The following GKAP1 variants were observed in gnomAD, a reference collection of about 807,000 sequenced individuals.
GKAP1 encodes G kinase-anchoring protein 1.
GKAP1 carries 31 observed loss-of-function variants against 56.7 expected under a neutral mutation model. The ratio of observed to expected loss-of-function variants is 0.55; its 90% CI spans 0.41 to 0.74. The LOEUF is 0.74. Among genes scored for constraint, GKAP1 ranks in the 30% least tolerant of loss-of-function variants. The pLI is 0.00. For missense variants in GKAP1, 364 were observed against 402.3 expected (o/e 0.90, Z 0.82); for synonymous variants, 151 against 138.6 (o/e 1.09, Z -0.63).
chr9:83,756,333 T>C (rs1001919157), intron 8 of GKAP1, among the ~76,000 whole-genome samples: 3 of 151,214 alleles, frequency 2.0e-5, no homozygotes, highest in Admixed American at 1.3e-4. Context: ...TAGCTGGGTG[T>C]GGTGGCACAT....
Position 83,746,807 on chromosome 9 carries a change from G to A in GKAP1, c.904+1502C>T, listed in dbSNP as rs1284709244. On this transcript the variant is annotated intron_variant, in intron 10 of 12. Coordinates refer to ENST00000376371, the MANE Select transcript of GKAP1 (RefSeq NM_025211.4). The stretch of plus-strand genomic sequence containing the variant: ...TAGTTGTTACACTGTTATTGTTTAG[G>A]GAGTAATGACAAGAAAAAAGTCTGC... Among the ~76,000 whole-genome samples the A allele has an allele frequency of 3.9e-5, 6 of 152,252 alleles. No homozygotes were observed. In the East Asian group the frequency reaches 1.2e-3, roughly 29 times the overall value.
chr9:83,750,826 CCTCT>C (rs774870120), intron 9 of GKAP1, among the ~76,000 whole-genome samples: 10 of 151,844 alleles, frequency 6.6e-5, no homozygotes, highest in South Asian at 2.1e-4. Flanking sequence ...TTTTTAATGC[CCTCT>C]CTATTTTATT....
chr9:83,812,226 CACAT>C (rs1431288715), intron 2 of GKAP1, among the ~76,000 whole-genome samples: 1 of 147,272 alleles, frequency 6.8e-6, no homozygotes, highest in African/African-American at 2.5e-5. Context: ...CATACACACA[CACAT>C]GTATACATAT....
intron 8 of GKAP1, among the ~76,000 whole-genome samples, chr9:83,764,286 G>C (rs1182969939): frequency 6.6e-6 from 1 of 152,048 alleles, no homozygotes; most frequent in Non-Finnish European, 1.5e-5. Context: ...TCCGGTTAGT[G>C]AGTGAGTTCT....
intron 6 of GKAP1, among the ~76,000 whole-genome samples, chr9:83,782,940 G>C (rs983599993): frequency 6.8e-6 from 1 of 146,230 alleles, no homozygotes; most frequent in Non-Finnish European, 1.6e-5. Context: ...AAAGTGCTAG[G>C]ATTACAGGCG....
chr9:83,739,821 C>A, intron 12 of GKAP1, 77 bp from the exon 13 acceptor site: 1 of 1,164,512 alleles, frequency 8.6e-7, no homozygotes, highest in Non-Finnish European at 1.2e-6. Context: ...AAAATATAGA[C>A]CAAAGGCATC....
rs749874424 is a variant in GKAP1 at position 83,788,589 on chromosome 9, G to A, written c.438+12C>T. 7.0e-7 allele frequency: 1 copy of A among 1,418,728 alleles called. No individual in the cohort carries two copies. The highest frequency in any genetic ancestry group is 1.2e-5 in the South Asian group (1 of 82,272). The allele number at this position is 1,418,728 out of a possible 1,614,324, so 87.9% of individuals were successfully genotyped here. ...ACTTCTAAAATATCTAAATCAGTAA[G>A]TATGTAAATACCTTTTTGTGCTCTT... is the stretch of plus-strand genomic sequence containing the variant. On this transcript the variant is annotated intron_variant, in intron 5 of 12. Transcript: ENST00000376371.
chr9:83,760,942 ATTAATG>A (rs1195100646), intron 8 of GKAP1, among the ~76,000 whole-genome samples: 1 of 152,006 alleles, frequency 6.6e-6, no homozygotes, highest in Non-Finnish European at 1.5e-5. Flanking sequence ...CAACCTAACA[ATTAATG>A]TTAAAGAACT....
At chr9:83,768,745 C>T in intron 8 of GKAP1, 73 bp downstream of exon 8, 2 of 1,278,894 alleles carry the variant, frequency 1.6e-6, no homozygotes, top group Non-Finnish European at 2.2e-6. Context: ...GATTCTACTG[C>T]TTACTTGTTT....
intron 6 of GKAP1, 61 bp from the exon 7 acceptor site, chr9:83,780,465 T>TA (rs200663185): frequency 0.31 from 64,519 of 209,890 alleles, 7,602 homozygotes; most frequent in Admixed American, 0.44. Context: ...TACAAAAATG[T>TA]AAAAAAAAAA....
At chr9:83,756,798 C>T (rs1029204059) in intron 8 of GKAP1, among the ~76,000 whole-genome samples, 20 of 152,112 alleles carry the variant, frequency 1.3e-4, no homozygotes, top group African/African-American at 3.9e-4. Flanking sequence ...ACATAGCAAA[C>T]CTCAAATACT....
chr9:83,816,072 C>CCAG (rs1257502026), intron 2 of GKAP1, among the ~76,000 whole-genome samples: 1 of 150,226 alleles, frequency 6.7e-6, no homozygotes, highest in Non-Finnish European at 1.5e-5. Context: ...GCCTGTAATC[C>CCAG]CAGCTACTCA....
chr9:83,757,774 T>C (rs993536899), intron 8 of GKAP1, among the ~76,000 whole-genome samples: 20 of 149,976 alleles, frequency 1.3e-4, no homozygotes, highest in African/African-American at 4.2e-4. Flanking sequence ...TTGGTAAGAA[T>C]GGAAACAAAG....
intron 7 of GKAP1, among the ~76,000 whole-genome samples, chr9:83,775,985 A>T (rs1268736740): frequency 6.6e-6 from 1 of 151,984 alleles, no homozygotes; most frequent in Non-Finnish European, 1.5e-5. Context: ...TAAAGCTATA[A>T]CCCCGAGATT....
intron 3 of GKAP1, among the ~76,000 whole-genome samples, chr9:83,800,924 G>C (rs935304203): frequency 6.6e-6 from 1 of 152,190 alleles, no homozygotes; most frequent in Non-Finnish European, 1.5e-5. Flanking sequence ...GGGGGCTGCT[G>C]AATTGTGAAT....
At chr9:83,787,073 G>T (rs1028924447) in intron 5 of GKAP1, among the ~76,000 whole-genome samples, 2 of 152,164 alleles carry the variant, frequency 1.3e-5, no homozygotes, top group African/African-American at 4.8e-5. Context: ...TTCCTGCTTT[G>T]TGTCTAAATG....
intron 4 of GKAP1, among the ~76,000 whole-genome samples, chr9:83,796,006 C>G (rs1457884632): frequency 6.6e-6 from 1 of 152,174 alleles, no homozygotes; most frequent in East Asian, 1.9e-4. Context: ...ATTTATACTA[C>G]TATTTCCTTA....
chr9:83,814,448 G>C (rs569578571), intron 2 of GKAP1, among the ~76,000 whole-genome samples: 5 of 152,238 alleles, frequency 3.3e-5, no homozygotes, highest in African/African-American at 1.2e-4. Context: ...ACCTGTTCCT[G>C]AAGTTAAACA....
At position 83,790,813 on chromosome 9, in the gene GKAP1, A is replaced by T. The variant is rs112937145; in HGVS notation, c.361-2135T>A. ...GATGACAGAGTGGGACTCCGTCTCA[A>T]AAAAAGAAAAAGAAAAAAAGAAAAA... On this transcript the variant is annotated intron_variant, in intron 4 of 12. Transcript: ENST00000376371. Among the ~76,000 whole-genome samples the T allele has an allele frequency of 5.9e-5, 9 of 152,242 alleles. 1 individual carries two copies. Among genetic ancestry groups the T allele is most frequent in the African/African-American group, 2.2e-4 (9 of 41,540 alleles).
Sources: allele counts gnomAD v4.1 joint callset (sites outside exome capture counted in the v4.1 genomes callset), GRCh38; gene constraint gnomAD v4.1.1; transcripts MANE v1.5; gene names NCBI Gene and HGNC (gene_info 2026-07-23, HGNC 2026-07-21).